The following CTR9 variants were observed in gnomAD, a reference collection of about 807,000 sequenced individuals.
CTR9 encodes the protein CTR9 component of Paf1/RNA polymerase II complex, also known as RNA polymerase-associated protein CTR9 homolog.
CTR9 carries 41 observed loss-of-function variants against 152.1 expected under a neutral mutation model. The observed-to-expected ratio is 0.27, with a 90% CI of 0.21 to 0.35. The LOEUF is 0.35. Among genes scored for constraint, CTR9 ranks in the 10% least tolerant of loss-of-function variants. The pLI is 1.00. For missense variants in CTR9, 917 were observed against 1,424.4 expected (o/e 0.64, Z 5.73); for synonymous variants, 476 against 496.2 (o/e 0.96, Z 0.54).
intron 19 of CTR9, among the ~76,000 whole-genome samples, chr11:10,772,065 A>AT (rs1346463735): frequency 2.6e-5 from 4 of 151,712 alleles, no homozygotes; most frequent in Non-Finnish European, 4.4e-5. Context: ...AAAAAAAAAA[A>AT]TTTTTTTTGG....
rs1157568295 is a variant in CTR9, at chr11:10,772,464, T to C, written c.2445-56T>C. The C allele has an allele frequency of 3.8e-6, 5 of 1,324,798 alleles. No individual in the cohort carries two copies. In the Admixed American group the frequency reaches 1.5e-4, roughly 39 times the overall value. The allele number at this position is 1,324,798 out of a possible 1,614,324, so 82.1% of individuals were successfully genotyped here. On this transcript the variant is annotated intron_variant, in intron 19 of 24. Transcript: ENST00000361367. ...ATTTGTATAAGGAAAATAGATGTGCTGAGTTTTTTAATATAGTAGTTACAT... is the reference window on the plus strand; with the variant it reads ...ATTTGTATAAGGAAAATAGATGTGCCGAGTTTTTTAATATAGTAGTTACAT...
At chr11:10,764,764 TC>T (rs767350384) in intron 12 of CTR9, 33 bp downstream of exon 12, 2 of 1,517,418 alleles carry the variant, frequency 1.3e-6, no homozygotes, top group South Asian at 2.5e-5. Flanking sequence ...TGTAATGAAA[TC>T]CGTTCATTCC....
chr11:10,773,056 A>G, intron 20 of CTR9, 71 bp from the exon 21 acceptor site: 1 of 1,525,518 alleles, frequency 6.6e-7, no homozygotes, highest in Non-Finnish European at 8.8e-7. Context: ...TCTGCTTAGG[A>G]TGGTAGCCAT....
rs1376432143 is a variant in CTR9, at chr11:10,770,265, A to G, written c.2165A>G (p.Tyr722Cys). The change falls in exon 17 of 25, where the codon TAT (tyrosine) becomes TGT (cysteine). Residue 722 changes from tyrosine to cysteine, a missense_variant. This residue lies in a region of CTR9 where 106 missense variants were observed against 157.8 expected (regional missense o/e 0.67). Coordinates refer to ENST00000361367, the MANE Select transcript of CTR9 (RefSeq NM_014633.5). Reference sequence around the variant, plus strand: ...CACCAAAACACTGAAGTTGTACTCTATTTGGCCCGGGCCCTCTTCAAGTGT... The same window carrying G: ...CACCAAAACACTGAAGTTGTACTCTGTTTGGCCCGGGCCCTCTTCAAGTGT... ...YKHQNTEVVL[Y>C]LARALFKCGK... The G allele has an allele frequency of 5.6e-6, 9 of 1,614,054 alleles. No homozygotes were observed. Among genetic ancestry groups the G allele is most frequent in the Middle Eastern group, 1.6e-4 (1 of 6,062 alleles).
At chr11:10,765,496 C>G (rs1222268311) in intron 12 of CTR9, among the ~76,000 whole-genome samples, 2 of 152,046 alleles carry the variant, frequency 1.3e-5, no homozygotes, top group Non-Finnish European at 2.9e-5. Flanking sequence ...GAGTCTTGCT[C>G]TGTCACCCAG....
In CTR9 at chr11:10,751,286, A is replaced by T; in HGVS notation, c.-127A>T. 1 of 997,912 alleles carries T rather than the reference A, an allele frequency of 1.0e-6. No individual in the cohort carries two copies. Among genetic ancestry groups the T allele is most frequent in the Non-Finnish European group, 1.5e-6 (1 of 651,298 alleles). 61.8% of individuals were successfully genotyped at this position (997,912 alleles called of 1,614,324 possible). A position where few individuals can be genotyped will look rare whatever the true frequency, so the allele number is the denominator to read the frequency against. On this transcript the variant is annotated 5_prime_UTR_variant, in exon 1 of 25. Transcript: ENST00000361367. ...GACGGGAAGGAGAAGCCAGAGCTCC[A>T]GCGGCGCCGCGGGGCGGCAGTCAAG...
At chr11:10,768,841 G>C (rs768550483) in intron 16 of CTR9, among the ~76,000 whole-genome samples, 2 of 152,240 alleles carry the variant, frequency 1.3e-5, no homozygotes, top group Non-Finnish European at 2.9e-5. Flanking sequence ...TACCCAGTAA[G>C]TAGTAGGATT....
At chr11:10,765,663 C>T (rs1184787418) in intron 12 of CTR9, among the ~76,000 whole-genome samples, 1 of 152,078 alleles carries the variant, frequency 6.6e-6, no homozygotes, top group East Asian at 1.9e-4. Flanking sequence ...GGTTTTGCTA[C>T]GTTGGTCAGA....
intron 1 of CTR9, among the ~76,000 whole-genome samples, 190 bp downstream of exon 1, chr11:10,751,647 C>T (rs1001058114): frequency 6.6e-5 from 10 of 152,284 alleles, no homozygotes; most frequent in East Asian, 3.9e-4. Context: ...CACCGCGTCT[C>T]TGCAGCCTCA....
chr11:10,755,655 TA>T, intron 3 of CTR9, 22 bp from the exon 4 acceptor site: 1 of 1,496,462 alleles, frequency 6.7e-7, no homozygotes. Context: ...GGGTAAAATC[TA>T]AGATAATACA....
intron 7 of CTR9, among the ~76,000 whole-genome samples, chr11:10,762,540 G>C (rs1009328026): frequency 1.3e-5 from 2 of 152,140 alleles, no homozygotes; most frequent in Non-Finnish European, 2.9e-5. Flanking sequence ...ATATACTTAT[G>C]GTAGGCAATG....
intron 2 of CTR9, among the ~76,000 whole-genome samples, chr11:10,753,007 A>G (rs1862829610): frequency 1.3e-5 from 2 of 152,206 alleles, no homozygotes; most frequent in Admixed American, 6.5e-5. Flanking sequence ...GTAGTACTCT[A>G]TATTGAATAT....
intron 24 of CTR9, among the ~76,000 whole-genome samples, chr11:10,777,894 A>G (rs1863267597): frequency 6.6e-6 from 1 of 152,218 alleles, no homozygotes; most frequent in Non-Finnish European, 1.5e-5. Context: ...GGAACGTGCC[A>G]GAGAAGTGTG....
intron 12 of CTR9, among the ~76,000 whole-genome samples, chr11:10,765,035 A>C (rs760577070): frequency 5.9e-5 from 9 of 152,230 alleles, no homozygotes; most frequent in Non-Finnish European, 8.8e-5. Flanking sequence ...TTTACCTTTG[A>C]AACATCCTTC....
At chr11:10,770,420 A>C in intron 17 of CTR9, 67 bp from the exon 18 acceptor site, 1 of 1,585,790 alleles carries the variant, frequency 6.3e-7, no homozygotes, top group African/African-American at 1.4e-5. Context: ...CTACTTAATA[A>C]TACTCTGCTG....
rs965133140 is a variant in CTR9, at chr11:10,768,257, A to G, written c.1961-86A>G. On this transcript the variant is annotated intron_variant, in intron 15 of 24. Transcript: ENST00000361367. ...CAGAATTTTTCTTAAAATGTGATCAATGTAGTTGTTTTAAAATAGAATTTT... is the reference window on the plus strand; with the variant it reads ...CAGAATTTTTCTTAAAATGTGATCAGTGTAGTTGTTTTAAAATAGAATTTT... 13 of 1,571,166 alleles carry G rather than the reference A, an allele frequency of 8.3e-6. 1 individual carries two copies. The highest frequency in any genetic ancestry group is 2.2e-5 in the East Asian group (1 of 44,538).
At position 10,768,433 on chromosome 11, in the gene CTR9, G is replaced by A. The variant is rs777101112; in HGVS notation, c.2051G>A (p.Trp684Ter). The A allele has an allele frequency of 6.2e-7, 1 of 1,614,046 alleles. No homozygotes were observed. Among genetic ancestry groups the A allele is most frequent in the Non-Finnish European group, 8.5e-7 (1 of 1,179,980 alleles). The change falls in exon 16 of 25, where the codon TGG becomes TAG. Residue 684 changes from tryptophan (W) to a stop codon, truncating the protein, a stop_gained. Coordinates refer to ENST00000361367, the MANE Select transcript of CTR9 (RefSeq NM_014633.5). LOFTEE classifies it high-confidence loss of function. ...REATADISDV[W>*]LNLAHIYVEQ... ...GCAACAGCAGATATTAGTGATGTGT[G>A]GCTGAACTTAGCACACATCTATGTG...
Position 10,778,836 on chromosome 11 carries a change from TCAGA to T in CTR9, c.3257_3260del (p.Asp1086ValfsTer103). 6.2e-7 allele frequency: 1 copy of T among 1,614,206 alleles called. No homozygotes were observed. Among genetic ancestry groups the T allele is most frequent in the Non-Finnish European group, 8.5e-7 (1 of 1,180,034 alleles). ...ACGAAGACAGCGGTCAGATCAGGAC[TCAGA>T]CAGTGACCAGCCATCCAGAAAGAGA... On this transcript the variant is annotated frameshift_variant, in exon 25 of 25. Transcript: ENST00000361367. LOFTEE classifies it high-confidence loss of function.
Position 10,755,173 on chromosome 11 carries a change from C to T in CTR9, c.360C>T (p.Ala120=), listed in dbSNP as rs769502726. The change falls in exon 3 of 25, where the codon GCC becomes GCT. Residue 120 remains alanine, a synonymous_variant. Coordinates refer to ENST00000361367, the MANE Select transcript of CTR9 (RefSeq NM_014633.5). ...AGGCCACCTTGTTGTATACAATGGC[C>T]GATAAAATTATTATGTATGATCAGG... ...ITQATLLYTM[A]DKIIMYDQNH... is the part of the protein sequence containing the mutation. 25 of 1,608,724 alleles carry T rather than the reference C, an allele frequency of 1.6e-5. No individual in the cohort carries two copies. The Admixed American group carries it at 2.4e-4, about 15-fold the overall frequency.
Sources: gnomAD v4.1 joint callset for allele counts (sites outside exome capture counted in the v4.1 genomes callset) on GRCh38, gnomAD v4.1.1 for gene constraint, gnomAD v4.1.1 regional missense constraint, MANE v1.5 for transcripts, NCBI Gene and HGNC (gene_info 2026-07-23, HGNC 2026-07-21) for gene names.